The following MARCHF3 variants were observed in gnomAD, a reference collection of about 807,000 sequenced individuals.
MARCHF3 encodes the protein membrane associated ring-CH-type finger 3.
MARCHF3 carries 13 observed loss-of-function variants against 24.2 expected under a neutral mutation model. That is an observed-to-expected ratio of 0.54 (90% CI 0.35 to 0.85). MARCHF3 has a LOEUF of 0.85. MARCHF3 is among the 40% of genes least tolerant of loss of function. MARCHF3 has a pLI of 0.01. For synonymous variants in MARCHF3, 144 were observed against 137.3 expected (o/e 1.05, Z -0.34); for missense variants, 276 against 325.0 (o/e 0.85, Z 1.16).
In MARCHF3 at chr5:126,902,261, A is replaced by T. The variant is rs1052287355; in HGVS notation, c.393+12669T>A. Among the ~76,000 whole-genome samples the T allele has an allele frequency of 3.9e-5, 6 of 152,118 alleles. No homozygotes were observed. The East Asian group carries it at 1.2e-3, about 29-fold the overall frequency. On this transcript the variant is annotated intron_variant, in intron 3 of 4. Transcript: ENST00000308660. ...GGCGTTTGTTAATTCTGGGTAGTGA[A>T]TACACACCTGTTTGTTATAGTATTC...
chr5:127,008,319 C>G (rs1358536698), intron 1 of MARCHF3, among the ~76,000 whole-genome samples: 1 of 152,156 alleles, frequency 6.6e-6, no homozygotes, highest in Non-Finnish European at 1.5e-5. Context: ...TCCCCAAATT[C>G]ATGTTTCTTT....
intron 1 of MARCHF3, among the ~76,000 whole-genome samples, chr5:126,999,389 G>A (rs1028600906): frequency 6.6e-6 from 1 of 152,152 alleles, no homozygotes; most frequent in Non-Finnish European, 1.5e-5. Flanking sequence ...GTCCCTTGGG[G>A]ACATGGATTC....
chr5:126,917,050 G>A (rs1292590732), intron 2 of MARCHF3, among the ~76,000 whole-genome samples: 1 of 152,182 alleles, frequency 6.6e-6, no homozygotes, highest in Non-Finnish European at 1.5e-5. Context: ...CCATGCCCAG[G>A]GTGGGATGCC....
intron 1 of MARCHF3, among the ~76,000 whole-genome samples, chr5:126,929,390 G>A (rs188631547): frequency 1.3e-5 from 2 of 152,310 alleles, no homozygotes; most frequent in East Asian, 1.9e-4. Context: ...TGGGCTCAGG[G>A]AAGTCCCCAG....
At chr5:126,906,638 G>C (rs1754308584) in intron 3 of MARCHF3, among the ~76,000 whole-genome samples, 1 of 152,140 alleles carries the variant, frequency 6.6e-6, no homozygotes, top group South Asian at 2.1e-4. Context: ...ATGGTAGTTT[G>C]TATTTCTGTG....
chr5:126,875,568 T>C (rs1239321802), intron 4 of MARCHF3, among the ~76,000 whole-genome samples: 2 of 152,258 alleles, frequency 1.3e-5, no homozygotes, highest in Admixed American at 1.3e-4. Flanking sequence ...GCTTCTGAAT[T>C]ACGGCTCTTG....
intron 1 of MARCHF3, among the ~76,000 whole-genome samples, chr5:126,954,368 G>T (rs1053546761): frequency 1.1e-4 from 16 of 150,256 alleles, no homozygotes; most frequent in African/African-American, 3.9e-4. Context: ...CTAATTTTAT[G>T]GATACAATTT....
intron 3 of MARCHF3, among the ~76,000 whole-genome samples, chr5:126,908,412 A>G (rs371692221): frequency 2.0e-5 from 3 of 152,124 alleles, no homozygotes; most frequent in African/African-American, 4.8e-5. Context: ...ATCCTGCAGA[A>G]TGTTTTCCAA....
intron 3 of MARCHF3, among the ~76,000 whole-genome samples, chr5:126,902,480 G>A (rs1245039401): frequency 6.6e-6 from 1 of 152,008 alleles, no homozygotes; most frequent in Non-Finnish European, 1.5e-5. Context: ...TTCACAGCAA[G>A]GATCAGAACA....
At chr5:126,935,902 C>CA (rs1297928937) in intron 1 of MARCHF3, among the ~76,000 whole-genome samples, 1 of 152,098 alleles carries the variant, frequency 6.6e-6, no homozygotes, top group African/African-American at 2.4e-5. Context: ...TGAGCCACCA[C>CA]ACCTGGCCTA....
At chr5:126,898,174 G>T (rs1753988848) in intron 3 of MARCHF3, among the ~76,000 whole-genome samples, 1 of 152,004 alleles carries the variant, frequency 6.6e-6, no homozygotes, top group African/African-American at 2.4e-5. Context: ...CCATGAAATT[G>T]TACACTTTAA....
At chr5:126,922,967 G>C (rs1438108475) in intron 1 of MARCHF3, among the ~76,000 whole-genome samples, 4 of 152,180 alleles carry the variant, frequency 2.6e-5, no homozygotes, top group Admixed American at 2.0e-4. Context: ...AGGGAGAACA[G>C]AGGGAGCCTC....
intron 1 of MARCHF3, among the ~76,000 whole-genome samples, chr5:126,975,519 T>C (rs962847572): frequency 1.3e-5 from 2 of 152,242 alleles, no homozygotes; most frequent in African/African-American, 4.8e-5. Flanking sequence ...TATCAAGTTA[T>C]TTTGTAATTT....
chr5:126,959,363 T>G (rs1017785476), intron 1 of MARCHF3, among the ~76,000 whole-genome samples: 2 of 152,156 alleles, frequency 1.3e-5, no homozygotes, highest in African/African-American at 2.4e-5. Context: ...AAAAGGGACT[T>G]TTTACAAAAT....
rs1256782930 is a variant in MARCHF3, at chr5:126,876,776, A to G, written c.603+1409T>C. Among the ~76,000 whole-genome samples, 7 of 152,088 alleles carry G rather than the reference A, an allele frequency of 4.6e-5. No homozygotes were observed. The East Asian group carries it at 1.3e-3, about 29-fold the overall frequency. The stretch of plus-strand genomic sequence containing the variant: ...GCAATTCTCCTGCCTTGGCCTCCCA[A>G]ATAGCTAGTATTACAGACATGCACC... On this transcript the variant is annotated intron_variant, in intron 4 of 4. Transcript: ENST00000308660.
chr5:126,990,705 A>C (rs1031145671), intron 1 of MARCHF3, among the ~76,000 whole-genome samples: 1 of 152,204 alleles, frequency 6.6e-6, no homozygotes, highest in Non-Finnish European at 1.5e-5. Context: ...TTACAAGAAA[A>C]AAACAAACAA....
intron 1 of MARCHF3, among the ~76,000 whole-genome samples, chr5:126,925,016 C>CA (rs1352704014): frequency 6.6e-6 from 1 of 152,168 alleles, no homozygotes; most frequent in East Asian, 1.9e-4. Flanking sequence ...GATGAGTCTG[C>CA]AGAGTGAAAC....
intron 1 of MARCHF3, 50 bp from the exon 2 acceptor site, chr5:126,918,277 A>G: frequency 8.9e-7 from 1 of 1,125,722 alleles, no homozygotes; most frequent in South Asian, 1.6e-5. Context: ...CTAATAGAAA[A>G]TGGAGAATTA....
In MARCHF3 at chr5:126,899,417, A is replaced by G. The variant is rs868177046; in HGVS notation, c.393+15513T>C. The stretch of plus-strand genomic sequence containing the variant: ...AAAGAAATTTGTCTCACAAGTGTGT[A>G]CAGCCACATGAGGACTGATTAACCT... On this transcript the variant is annotated intron_variant, in intron 3 of 4. Coordinates refer to ENST00000308660, the MANE Select transcript of MARCHF3 (RefSeq NM_178450.5). 9.9e-5 allele frequency among the ~76,000 whole-genome samples: 15 copies of G among 152,170 alleles called. No homozygotes were observed. The South Asian group carries it at 1.0e-3, about 10-fold the overall frequency.
Sources: gnomAD v4.1 joint callset for allele counts (sites outside exome capture counted in the v4.1 genomes callset) on GRCh38, gnomAD v4.1.1 for gene constraint, MANE v1.5 for transcripts, NCBI Gene and HGNC (gene_info 2026-07-23, HGNC 2026-07-21) for gene names.